The following PCDHGB1 variants were observed in gnomAD, a reference collection of about 807,000 sequenced individuals.
The protein encoded by PCDHGB1 is protocadherin gamma subfamily B, 1, also known as protocadherin gamma-B1.
In PCDHGB1, 34 loss-of-function variants were observed where a neutral mutation model predicts 56.6. That is an observed-to-expected ratio of 0.60 (90% CI 0.46 to 0.80). The LOEUF (loss-of-function observed/expected upper bound fraction) is 0.80. PCDHGB1 is among the 30% of genes least tolerant of loss of function. PCDHGB1 has a pLI of 0.00. For missense variants in PCDHGB1, 1,278 were observed against 1,204.6 expected (o/e 1.06, Z -0.90); for synonymous variants, 561 against 505.9 (o/e 1.11, Z -1.46).
At chr5:141,380,092 G>A (rs1776209529) in intron 1 of PCDHGB1, among the ~76,000 whole-genome samples, 1 of 151,708 alleles carries the variant, frequency 6.6e-6, no homozygotes, top group African/African-American at 2.4e-5. Context: ...TAGAGATGGG[G>A]TTTTACCATG....
At chr5:141,362,014 C>G (rs748394772) in intron 1 of PCDHGB1, 5 of 1,605,936 alleles carry the variant, frequency 3.1e-6, no homozygotes, top group African/African-American at 1.3e-5. Context: ...GGGTGAGGTG[C>G]GCACAGCGCG....
At chr5:141,418,147 C>T (rs781655205) in intron 1 of PCDHGB1, 3 of 1,614,040 alleles carry the variant, frequency 1.9e-6, no homozygotes, top group Admixed American at 3.3e-5. Flanking sequence ...AGCAAATATG[C>T]AAAGAGAGAA....
At position 141,409,100 on chromosome 5, in the gene PCDHGB1, A is replaced by G. The variant is rs1341878280; in HGVS notation, c.2409+56431A>G. ...GTTCTCATTGGATGAGAAAACAGGT[A>G]TGATTAAGAATAACCAGTCATTTGA... is the stretch of plus-strand genomic sequence containing the variant. On this transcript the variant is annotated intron_variant, in intron 1 of 3. Transcript: ENST00000523390. The G allele has an allele frequency of 6.8e-6, 11 of 1,613,934 alleles. No homozygotes were observed. In the Admixed American group the frequency reaches 1.0e-4, roughly 15 times the overall value.
intron 1 of PCDHGB1, chr5:141,441,470 C>G (rs1170727138): frequency 5.9e-6 from 1 of 168,868 alleles, no homozygotes; most frequent in East Asian, 1.9e-4. Context: ...ATTGGCGATG[C>G]CAACGACAAT....
rs2099745664 is a variant in PCDHGB1 at position 141,493,015 on chromosome 5, T to A, written c.2410-1792T>A. Among the ~76,000 whole-genome samples, 1 of 152,238 alleles carries A rather than the reference T, an allele frequency of 6.6e-6. No homozygotes were observed. The highest frequency in any genetic ancestry group is 1.5e-5 in the Non-Finnish European group (1 of 68,040). ...ATGGAAAGCTATAGGCTCTGCCAGA[T>A]GCCAGGGTGCCCTTATGTGTGAGGA... On this transcript the variant is annotated intron_variant, in intron 1 of 3. Transcript: ENST00000523390. The surrounding 1 kb of genome is among the most constrained non-coding windows in gnomAD (Gnocchi z 4.3).
intron 2 of PCDHGB1, among the ~76,000 whole-genome samples, chr5:141,500,838 GGCTTTT>G (rs2099802886): frequency 6.6e-6 from 1 of 151,878 alleles, no homozygotes. Flanking sequence ...AATGCTAATG[GGCTTTT>G]GCTACATTAG....
chr5:141,491,454 C>G lies in PCDHGB1; in HGVS notation c.2410-3353C>G. ...GCTGCAGGCGCCAGGACTCACCCTCCCCGGACTTCTATAAGCAGTCCAGCC... is the reference window on the plus strand; with the variant it reads ...GCTGCAGGCGCCAGGACTCACCCTCGCCGGACTTCTATAAGCAGTCCAGCC... On this transcript the variant is annotated intron_variant, in intron 1 of 3. Coordinates refer to ENST00000523390, the MANE Select transcript of PCDHGB1 (RefSeq NM_018922.3). This position sits in a 1 kb window ranked among gnomAD's most constrained non-coding sequence, Gnocchi z 6.9. The G allele has an allele frequency of 6.2e-7, 1 of 1,614,120 alleles. No individual in the cohort carries two copies. Among genetic ancestry groups the G allele is most frequent in the Non-Finnish European group, 8.5e-7 (1 of 1,180,032 alleles).
At chr5:141,374,030 T>C (rs1023437506) in intron 1 of PCDHGB1, 4 of 1,430,336 alleles carry the variant, frequency 2.8e-6, no homozygotes, top group African/African-American at 1.4e-5. Flanking sequence ...GCAAAAGTGA[T>C]GCAGATCTGT....
intron 1 of PCDHGB1, among the ~76,000 whole-genome samples, chr5:141,381,932 C>A (rs1205042648): frequency 2.1e-5 from 3 of 144,772 alleles, no homozygotes; most frequent in Non-Finnish European, 4.5e-5. Flanking sequence ...CGGGTTCAAG[C>A]GATTTTCCTG....
At chr5:141,497,665 G>A (rs1011161465) in intron 2 of PCDHGB1, among the ~76,000 whole-genome samples, 3 of 151,348 alleles carry the variant, frequency 2.0e-5, no homozygotes, top group South Asian at 2.1e-4. Flanking sequence ...TCAGCCTCCC[G>A]AGTAGCTGGG....
At chr5:141,369,725 G>A (rs540933138) in intron 1 of PCDHGB1, among the ~76,000 whole-genome samples, 2 of 152,288 alleles carry the variant, frequency 1.3e-5, no homozygotes, top group African/African-American at 4.8e-5. Flanking sequence ...TTAGAAGTTA[G>A]AAGTAAAGGA....
At chr5:141,450,796 G>GTATT (rs1490825772) in intron 1 of PCDHGB1, among the ~76,000 whole-genome samples, 8 of 145,976 alleles carry the variant, frequency 5.5e-5, no homozygotes, top group African/African-American at 1.8e-4. Flanking sequence ...CCTCATGATT[G>GTATT]TATTTATTTA....
In PCDHGB1 at chr5:141,350,215, T is replaced by A. The variant is rs760087055; in HGVS notation, c.-46T>A. 8.7e-6 allele frequency: 13 copies of A among 1,489,630 alleles called. No individual in the cohort carries two copies. In the South Asian group the frequency reaches 1.6e-4, roughly 18 times the overall value. The allele number at this position is 1,489,630 out of a possible 1,614,324, so 92.3% of individuals were successfully genotyped here. On this transcript the variant is annotated 5_prime_UTR_variant, in exon 1 of 4. It adds an upstream start codon to the 5' untranslated region. Coordinates refer to ENST00000523390, the MANE Select transcript of PCDHGB1 (RefSeq NM_018922.3). ...AAGTCCAGGGTGCTGCCATTTCTTT[T>A]TGAAAAACATCCCAGAGGAAAGAAG...
At chr5:141,374,137 G>A in intron 1 of PCDHGB1, 1 of 1,606,330 alleles carries the variant, frequency 6.2e-7, no homozygotes. Context: ...TGCTCCTCAC[G>A]CTCCTGGGGA....
At chr5:141,436,764 A>G (rs1248797699) in intron 1 of PCDHGB1, among the ~76,000 whole-genome samples, 1 of 152,214 alleles carries the variant, frequency 6.6e-6, no homozygotes, top group East Asian at 1.9e-4. Flanking sequence ...GGTATAATGG[A>G]ATGATTTGTG....
chr5:141,389,916 G>C lies in PCDHGB1; in HGVS notation c.2409+37247G>C, dbSNP rs747654268. 3.1e-6 allele frequency: 5 copies of C among 1,613,904 alleles called. No individual in the cohort carries two copies. In the African/African-American group the frequency reaches 6.7e-5, roughly 22 times the overall value. ...GCTGCCGGATATCACTGACCGCCCC[G>C]ACCCCTCTGACCTCCAGGCTGAGCT... On this transcript the variant is annotated intron_variant, in intron 1 of 3. Transcript: ENST00000523390.
chr5:141,468,801 A>G (rs949203275), intron 1 of PCDHGB1, among the ~76,000 whole-genome samples: 15 of 151,736 alleles, frequency 9.9e-5, no homozygotes, highest in South Asian at 2.1e-4. Context: ...GGGAGGCGGA[A>G]CTTGCAGTGA....
At chr5:141,433,866 T>C (rs1191114798) in intron 1 of PCDHGB1, among the ~76,000 whole-genome samples, 1 of 151,870 alleles carries the variant, frequency 6.6e-6, no homozygotes, top group African/African-American at 2.4e-5. Context: ...CTTTATCCTC[T>C]AGTTTCATCC....
At chr5:141,438,635 T>TAC (rs56854727) in intron 1 of PCDHGB1, among the ~76,000 whole-genome samples, 5 of 33,422 alleles carry the variant, frequency 1.5e-4, no homozygotes, top group Admixed American at 8.3e-4. Flanking sequence ...TATATATATA[T>TAC]ACACACACAC....
Sources: allele counts gnomAD v4.1 joint callset (sites outside exome capture counted in the v4.1 genomes callset), GRCh38; gene constraint gnomAD v4.1.1; non-coding constraint Gnocchi (gnomAD v3.1); transcripts MANE v1.5; gene names NCBI Gene and HGNC (gene_info 2026-07-23, HGNC 2026-07-21).